Variants in C12orf42 observed in about 807,000 individuals in gnomAD.
C12orf42 encodes the protein chromosome 12 open reading frame 42.
In C12orf42, 25 loss-of-function variants were observed where a neutral mutation model predicts 21.6. The observed-to-expected ratio is 1.16, with a 90% CI of 0.84 to 1.62. C12orf42 has a LOEUF of 1.62. C12orf42 is among the 40% of genes most tolerant of loss of function. C12orf42 has a pLI of 0.00. For synonymous variants in C12orf42, 174 were observed against 175.0 expected (o/e 0.99, Z 0.05); for missense variants, 483 against 459.3 (o/e 1.05, Z -0.47).
At chr12:103,154,862 T>A in the C12orf42 span, among the ~76,000 whole-genome samples, 1 of 152,220 alleles carries the variant, frequency 6.6e-6, no homozygotes, top group Non-Finnish European at 1.5e-5. Flanking sequence ...GAGTCGAATT[T>A]ATGGATTATA....
chr12:103,173,644 C>CTTTTTTTTTTTTTTT, the C12orf42 span, among the ~76,000 whole-genome samples: 1 of 152,094 alleles, frequency 6.6e-6, no homozygotes, highest in African/African-American at 2.4e-5. Context: ...ACTCCTTCTT[C>CTTTTTTTTTTTTTTT]TTATATTAAT....
intron 2 of C12orf42, among the ~76,000 whole-genome samples, chr12:103,458,757 T>A (rs1952484308): frequency 6.6e-6 from 1 of 152,158 alleles, no homozygotes; most frequent in Non-Finnish European, 1.5e-5. Context: ...TGCTATAAAC[T>A]GCTCAAGGGC....
chr12:103,556,895 AG>A, the C12orf42 span, among the ~76,000 whole-genome samples: 4 of 151,626 alleles, frequency 2.6e-5, no homozygotes, highest in Admixed American at 2.0e-4. Context: ...GAAGAGGAGA[AG>A]GCCATCTAAA....
chr12:103,454,294 T>A (rs1378641253), intron 2 of C12orf42, among the ~76,000 whole-genome samples: 1 of 152,098 alleles, frequency 6.6e-6, no homozygotes, highest in African/African-American at 2.4e-5. Context: ...TTCACTAAAC[T>A]GGAGTTTCAA....
chr12:103,164,641 G>T, the C12orf42 span: 14 of 436,626 alleles, frequency 3.2e-5, no homozygotes, highest in South Asian at 2.3e-4. Flanking sequence ...ATATTTTTAA[G>T]TTTGCATTGT....
rs946451403 is a variant in C12orf42 at position 103,312,836 on chromosome 12, C to G, written c.260-6491G>C. On this transcript the variant is annotated intron_variant, in intron 4 of 5. Coordinates refer to ENST00000548883, the MANE Select transcript of C12orf42 (RefSeq NM_198521.5). ...AATCTATTTTACAGAAACAACTTCTCATTCCTTTTGAGCTGCAAAGCAGTT... is the reference window on the plus strand; with the variant it reads ...AATCTATTTTACAGAAACAACTTCTGATTCCTTTTGAGCTGCAAAGCAGTT... 2.0e-5 allele frequency among the ~76,000 whole-genome samples: 3 copies of G among 152,208 alleles called. No individual in the cohort carries two copies. The East Asian group carries it at 5.8e-4, about 29-fold the overall frequency.
the C12orf42 span, among the ~76,000 whole-genome samples, chr12:103,191,571 A>G: frequency 0.088 from 10,375 of 117,692 alleles, 517 homozygotes; most frequent in East Asian, 0.18. Context: ...AAAAAAAAAA[A>G]AAATACAAAA....
chr12:103,160,902 C>T, the C12orf42 span, among the ~76,000 whole-genome samples: 1 of 152,216 alleles, frequency 6.6e-6, no homozygotes, highest in Non-Finnish European at 1.5e-5. Context: ...ACTCACTATA[C>T]AGTCACCCTG....
At chr12:103,146,910 T>A in the C12orf42 span, among the ~76,000 whole-genome samples, 1 of 152,190 alleles carries the variant, frequency 6.6e-6, no homozygotes, top group African/African-American at 2.4e-5. Context: ...TCCTGCATTT[T>A]GACAAAATAA....
At chr12:103,423,479 G>A (rs1297823804) in intron 2 of C12orf42, among the ~76,000 whole-genome samples, 2 of 152,168 alleles carry the variant, frequency 1.3e-5, no homozygotes, top group Admixed American at 1.3e-4. Context: ...TAAGATAAGT[G>A]GGTTTTCTCT....
the C12orf42 span, among the ~76,000 whole-genome samples, chr12:103,115,220 G>A: frequency 6.6e-6 from 1 of 152,088 alleles, no homozygotes; most frequent in African/African-American, 2.4e-5. Context: ...CTCAAATTGT[G>A]GAACTGCAGT....
At chr12:103,504,117 C>T in the C12orf42 span, 1 of 152,396 alleles carries the variant, frequency 6.6e-6, no homozygotes, top group East Asian at 1.9e-4. Flanking sequence ...CGCTCCTGCG[C>T]TACTTCAGGC....
the C12orf42 span, chr12:103,549,068 A>C: frequency 2.6e-5 from 4 of 152,116 alleles, no homozygotes; most frequent in Non-Finnish European, 5.9e-5. Flanking sequence ...CCAATTCTAA[A>C]ATATCTATGT....
At chr12:103,281,915 A>G (rs866532109) in intron 4 of C12orf42, among the ~76,000 whole-genome samples, 1 of 141,828 alleles carries the variant, frequency 7.1e-6, no homozygotes, top group Non-Finnish European at 1.5e-5. Context: ...AGAAGAAAGA[A>G]AAAGAAAGAA....
chr12:103,402,466 C>A (rs2048082562), intron 2 of C12orf42, among the ~76,000 whole-genome samples: 1 of 152,076 alleles, frequency 6.6e-6, no homozygotes, highest in East Asian at 1.9e-4. Context: ...CTTTCTGTTG[C>A]CCAATATTTG....
chr12:103,449,822 A>G (rs1158244315), intron 2 of C12orf42, among the ~76,000 whole-genome samples: 1 of 151,590 alleles, frequency 6.6e-6, no homozygotes, highest in Non-Finnish European at 1.5e-5. Flanking sequence ...AAAAAAAAGC[A>G]TTCACTCAAG....
the C12orf42 span, among the ~76,000 whole-genome samples, chr12:103,223,100 C>A: frequency 6.6e-6 from 1 of 151,990 alleles, no homozygotes; most frequent in Non-Finnish European, 1.5e-5. Flanking sequence ...AACATATGTT[C>A]TCCTCACTTC....
chr12:103,113,273 G>A, the C12orf42 span, among the ~76,000 whole-genome samples: 6 of 152,072 alleles, frequency 3.9e-5, no homozygotes, highest in African/African-American at 7.2e-5. Context: ...TACTGCTTTC[G>A]GCGTCCTTCC....
At chr12:103,449,391 A>G (rs1416480483) in intron 2 of C12orf42, among the ~76,000 whole-genome samples, 1 of 147,968 alleles carries the variant, frequency 6.8e-6, no homozygotes, top group Non-Finnish European at 1.5e-5. Flanking sequence ...AGTACAGTGT[A>G]TACCACTTGT....
Sources: gnomAD v4.1 joint callset for allele counts (sites outside exome capture counted in the v4.1 genomes callset) on GRCh38, gnomAD v4.1.1 for gene constraint, MANE v1.5 for transcripts, NCBI Gene and HGNC (gene_info 2026-07-23, HGNC 2026-07-21) for gene names.